Variants in TBC1D9 observed in about 807,000 individuals in gnomAD.
The protein encoded by TBC1D9 is TBC1 domain family member 9A.
TBC1D9 carries 63 observed loss-of-function variants against 132.0 expected under a neutral mutation model. The ratio of observed to expected loss-of-function variants is 0.48; its 90% CI spans 0.39 to 0.59. TBC1D9 has a LOEUF of 0.59. TBC1D9 is among the 20% of genes least tolerant of loss of function. The pLI is 0.00. For synonymous variants in TBC1D9, 610 were observed against 609.9 expected, an observed-to-expected ratio of 1.00 and a Z score of 0.00; for missense variants, 1,261 against 1,592.7, an observed-to-expected ratio of 0.79 and a Z score of 3.54.
intron 8 of TBC1D9, 144 bp downstream of exon 8, chr4:140,669,490 A>G: frequency 3.2e-6 from 3 of 927,194 alleles, no homozygotes; most frequent in East Asian, 5.3e-5. Flanking sequence ...TGTGAAAGTT[A>G]TAACATATTT....
In TBC1D9 at chr4:140,670,905, C is replaced by A. The variant is rs1304532874; in HGVS notation, c.1081G>T (p.Asp361Tyr). Residue 361 changes from aspartate (D) to tyrosine (Y), a missense_variant, in exon 7 of 21, where the codon GAC becomes TAC. Physicochemically the swap from Asp to Tyr is radical, Grantham distance 160. This residue lies in a region of TBC1D9 where 550 missense variants were observed against 699.0 expected (regional missense o/e 0.79). Coordinates refer to ENST00000442267, the MANE Select transcript of TBC1D9 (RefSeq NM_015130.3). ...GGACTGGGGAGCACACTGGAGCTGT[C>A]TGCCTTTTCCACAATTGTCACCTGA... ...LREVTIVEKA[D>Y]SSSVLPSPLS... The A allele has an allele frequency of 6.2e-7, 1 of 1,613,864 alleles. No individual in the cohort carries two copies. The highest frequency in any genetic ancestry group is 1.3e-5 in the African/African-American group (1 of 74,928).
chr4:140,701,309 A>T (rs963962985), intron 2 of TBC1D9, among the ~76,000 whole-genome samples, 195 bp downstream of exon 2: 5 of 152,246 alleles, frequency 3.3e-5, no homozygotes, highest in African/African-American at 1.2e-4. Flanking sequence ...ACACGACTCT[A>T]TCAGAGTGAG....
chr4:140,627,639 A>C, intron 17 of TBC1D9, 112 bp from the exon 18 acceptor site: 1 of 726,156 alleles, frequency 1.4e-6, no homozygotes. Flanking sequence ...TAAAGTTACA[A>C]AGGTGGGATG....
chr4:140,737,751 A>T (rs865877270), intron 1 of TBC1D9, among the ~76,000 whole-genome samples: 1 of 152,224 alleles, frequency 6.6e-6, no homozygotes, highest in Non-Finnish European at 1.5e-5. Context: ...CTGCAAGCAC[A>T]ATACTAAATC....
intron 1 of TBC1D9, among the ~76,000 whole-genome samples, chr4:140,723,190 G>C (rs1170799649): frequency 6.6e-6 from 1 of 152,108 alleles, no homozygotes; most frequent in Non-Finnish European, 1.5e-5. Flanking sequence ...CAGGACCCTG[G>C]GTAACCTGCA....
At chr4:140,701,466 C>G in intron 2 of TBC1D9, 38 bp downstream of exon 2, 1 of 1,539,396 alleles carries the variant, frequency 6.5e-7, no homozygotes, top group Non-Finnish European at 9.0e-7. Context: ...CCTAACGCTT[C>G]TTTTAAAACT....
rs2110960230 is a variant in TBC1D9, at chr4:140,622,825, G to A, written c.3171C>T (p.Thr1057=). 1 of 1,599,748 alleles carries A rather than the reference G, an allele frequency of 6.3e-7. No individual in the cohort carries two copies. Among genetic ancestry groups the A allele is most frequent in the East Asian group, 2.2e-5 (1 of 44,594 alleles). The change falls in exon 21 of 21, where the codon ACC becomes ACT. Residue 1057 remains threonine, a synonymous_variant. Coordinates refer to ENST00000442267, the MANE Select transcript of TBC1D9 (RefSeq NM_015130.3). ...CCTCCCCAATCTCCAGCAGGAGGCTGGTCACTGCTGCCGTGGCGTGGTACA... is the reference window on the plus strand; with the variant it reads ...CCTCCCCAATCTCCAGCAGGAGGCTAGTCACTGCTGCCGTGGCGTGGTACA... ...QELYHATAAV[T]SLLLEIGEVG...
chr4:140,703,973 T>C (rs1008652093), intron 1 of TBC1D9, among the ~76,000 whole-genome samples: 5 of 152,194 alleles, frequency 3.3e-5, no homozygotes, highest in African/African-American at 7.2e-5. Flanking sequence ...TCACTCATAA[T>C]TGAGTGTTTG....
In TBC1D9 at chr4:140,658,571, A is replaced by T. The variant is rs553360409; in HGVS notation, c.1922-759T>A. On this transcript the variant is annotated intron_variant, in intron 11 of 20. Transcript: ENST00000442267. ...ATAATAATAATCCCAGCACTTTGGG[A>T]GGCTGAGGCAGGCGGATCACCTGAG... 2.0e-4 allele frequency among the ~76,000 whole-genome samples: 30 copies of T among 152,234 alleles called. No individual in the cohort carries two copies. In the South Asian group the frequency reaches 5.8e-3, roughly 30 times the overall value.
At chr4:140,657,290 C>T in intron 12 of TBC1D9, 64 bp from the exon 13 acceptor site, 1 of 1,555,816 alleles carries the variant, frequency 6.4e-7, no homozygotes, top group Non-Finnish European at 8.7e-7. Flanking sequence ...TATAATTCTC[C>T]AATCATTTTC....
At chr4:140,641,501 C>G (rs756282343) in intron 13 of TBC1D9, among the ~76,000 whole-genome samples, 5 of 152,104 alleles carry the variant, frequency 3.3e-5, no homozygotes, top group South Asian at 4.2e-4. Flanking sequence ...TCAAGTCACA[C>G]GCCCACATGA....
At chr4:140,750,935 C>T (rs1429974912) in intron 1 of TBC1D9, among the ~76,000 whole-genome samples, 3 of 152,086 alleles carry the variant, frequency 2.0e-5, no homozygotes, top group South Asian at 4.1e-4. Flanking sequence ...AATAAGGTCA[C>T]ATCTGGATAA....
chr4:140,746,770 A>G (rs1738843070), intron 1 of TBC1D9, among the ~76,000 whole-genome samples: 11 of 152,190 alleles, frequency 7.2e-5, no homozygotes, highest in Admixed American at 7.2e-4. Flanking sequence ...CCATGATTCA[A>G]TTATTTCCAC....
intron 1 of TBC1D9, among the ~76,000 whole-genome samples, chr4:140,735,488 G>C (rs535055292): frequency 5.8e-4 from 89 of 152,210 alleles, no homozygotes; most frequent in African/African-American, 2.1e-3. Context: ...GAGGCAGGAG[G>C]ATCACTTAAG....
intron 1 of TBC1D9, among the ~76,000 whole-genome samples, chr4:140,728,191 G>T (rs888710058): frequency 6.6e-6 from 1 of 152,132 alleles, no homozygotes; most frequent in Non-Finnish European, 1.5e-5. Flanking sequence ...AGTTAATAAA[G>T]AAAGTAAGAT....
chr4:140,639,228 C>G, intron 14 of TBC1D9, 74 bp from the exon 15 acceptor site: 1 of 1,482,878 alleles, frequency 6.7e-7, no homozygotes. Flanking sequence ...TAATTTTTCC[C>G]TTTCAAATTG....
Position 140,657,122 on chromosome 4 carries a change from A to C in TBC1D9, c.2312T>G (p.Phe771Cys). Residue 771 changes from phenylalanine (F) to cysteine (C), a missense_variant, in exon 13 of 21, where the codon TTT becomes TGT. Around this residue, in one of 3 missense-constraint regions of TBC1D9, gnomAD observed 618 missense variants for 724.4 expected, o/e 0.85. Transcript: ENST00000442267. ...CTCGTAGGAAGTTCTGATGAGTCTAAAGATGTCTACCTCAGGGTAAGGTTC... is the reference window on the plus strand; with the variant it reads ...CTCGTAGGAAGTTCTGATGAGTCTACAGATGTCTACCTCAGGGTAAGGTTC... ...DVEPYPEVDI[F>C]RLIRTSYEKF... The C allele has an allele frequency of 1.5e-5, 25 of 1,613,946 alleles. No homozygotes were observed. The highest frequency in any genetic ancestry group is 2.1e-5 in the Non-Finnish European group (25 of 1,179,860).
intron 13 of TBC1D9, chr4:140,645,001 A>G: frequency 2.1e-6 from 1 of 466,356 alleles, no homozygotes; most frequent in Non-Finnish European, 4.3e-6. Flanking sequence ...ATGCTGCCCG[A>G]GCGGGACAAC....
At chr4:140,636,376 A>T (rs879876721) in intron 15 of TBC1D9, among the ~76,000 whole-genome samples, 1 of 151,952 alleles carries the variant, frequency 6.6e-6, no homozygotes, top group Non-Finnish European at 1.5e-5. Flanking sequence ...CCAGAAAAAT[A>T]CCCAGAAATC....
Sources: gnomAD v4.1 joint callset for allele counts (sites outside exome capture counted in the v4.1 genomes callset) on GRCh38, gnomAD v4.1.1 for gene constraint, gnomAD v4.1.1 regional missense constraint, MANE v1.5 for transcripts, NCBI Gene and HGNC (gene_info 2026-07-23, HGNC 2026-07-21) for gene names.